CNTN3: variants seen among roughly 807,000 people sequenced by gnomAD.
CNTN3 encodes the protein contactin-3.
CNTN3 carries 60 observed loss-of-function variants against 119.1 expected under a neutral mutation model. The observed-to-expected ratio is 0.50, with a 90% CI of 0.41 to 0.62. CNTN3 has a LOEUF of 0.62. Among genes scored for constraint, CNTN3 ranks in the 20% least tolerant of loss-of-function variants. The probability of loss-of-function intolerance (pLI) is 0.00; values close to 1 mark genes in which losing one functional copy is unlikely to be tolerated. For synonymous variants in CNTN3, 450 were observed against 438.7 expected, an observed-to-expected ratio of 1.03 and a Z score of -0.32; for missense variants, 1,101 against 1,242.4, an observed-to-expected ratio of 0.89 and a Z score of 1.71.
At chr3:74,373,881 A>G (rs967412581) in intron 5 of CNTN3, among the ~76,000 whole-genome samples, 18 of 152,158 alleles carry the variant, frequency 1.2e-4, no homozygotes, top group African/African-American at 4.1e-4. Flanking sequence ...CAAAATGAAC[A>G]TGAAGTGGAT....
chr3:74,507,106 G>T (rs915858344), intron 2 of CNTN3, among the ~76,000 whole-genome samples: 57 of 152,116 alleles, frequency 3.7e-4, no homozygotes, highest in African/African-American at 1.4e-3. Flanking sequence ...TAAATTAGTT[G>T]TAATGGAGAA....
At chr3:74,369,545 G>A (rs1470013999) in intron 7 of CNTN3, among the ~76,000 whole-genome samples, 172 bp from the exon 8 acceptor site, 2 of 151,378 alleles carry the variant, frequency 1.3e-5, no homozygotes, top group African/African-American at 2.4e-5. Context: ...TCTTTAAGTT[G>A]ATATTTTAAT....
chr3:74,453,910 T>G (rs1422065815), intron 4 of CNTN3, among the ~76,000 whole-genome samples: 1 of 152,192 alleles, frequency 6.6e-6, no homozygotes, highest in African/African-American at 2.4e-5. Flanking sequence ...TTACATTTGC[T>G]GAGGAGAGCT....
intron 3 of CNTN3, among the ~76,000 whole-genome samples, chr3:74,491,192 T>C (rs1702956190): frequency 6.6e-6 from 1 of 152,184 alleles, no homozygotes; most frequent in African/African-American, 2.4e-5. Flanking sequence ...TCTAGTATTT[T>C]CATTCATGTA....
intron 8 of CNTN3, among the ~76,000 whole-genome samples, chr3:74,366,800 A>ATATATATATATATATATATATATATG: frequency 7.4e-6 from 1 of 134,378 alleles, no homozygotes; most frequent in African/African-American, 2.8e-5. Context: ...ATATATATAT[A>ATATATATATATATATATATATATATG]TATATATAAC....
intron 1 of CNTN3, among the ~76,000 whole-genome samples, chr3:74,540,338 T>C (rs1324536339): frequency 3.3e-5 from 5 of 152,154 alleles, no homozygotes; most frequent in African/African-American, 9.7e-5. Flanking sequence ...TAACGGTTAA[T>C]ATTTCTTTCC....
chr3:74,298,286 A>G (rs1205844027), intron 17 of CNTN3, 95 bp from the exon 18 acceptor site: 2 of 706,000 alleles, frequency 2.8e-6, no homozygotes, highest in Non-Finnish European at 4.6e-6. Context: ...TGTAAAAGTC[A>G]TCAAATAATC....
At chr3:74,498,769 G>A (rs1703108561) in intron 3 of CNTN3, among the ~76,000 whole-genome samples, 1 of 151,726 alleles carries the variant, frequency 6.6e-6, no homozygotes, top group Non-Finnish European at 1.5e-5. Flanking sequence ...AAAAGGTTTT[G>A]TCAAGAAAAC....
chr3:74,504,879 A>G (rs1005844071), intron 2 of CNTN3, among the ~76,000 whole-genome samples: 1 of 152,154 alleles, frequency 6.6e-6, no homozygotes, highest in African/African-American at 2.4e-5. Flanking sequence ...TTGCTATAAC[A>G]AAGTACCACA....
Position 74,562,280 on chromosome 3 carries a change from A to C in CNTN3, c.-80-41088T>G, listed in dbSNP as rs117352416. On this transcript the variant is annotated intron_variant, in intron 1 of 22. Coordinates refer to ENST00000263665, the MANE Select transcript of CNTN3 (RefSeq NM_020872.3). The stretch of plus-strand genomic sequence containing the variant: ...AAAGTTTTACAAAGTCAGAATTAGG[A>C]CCTGCTTTCATTGCACTGGTGTTAT... Among the ~76,000 whole-genome samples, 260 of 152,296 alleles carry C rather than the reference A, an allele frequency of 1.7e-3. 4 individuals carry two copies. In the East Asian group the frequency reaches 0.045, roughly 26 times the overall value.
intron 11 of CNTN3, among the ~76,000 whole-genome samples, chr3:74,355,721 CA>C (rs1327605767): frequency 6.6e-6 from 1 of 152,014 alleles, no homozygotes; most frequent in Non-Finnish European, 1.5e-5. Flanking sequence ...TCCCAAAGTG[CA>C]GGGATTACAA....
intron 2 of CNTN3, among the ~76,000 whole-genome samples, chr3:74,513,925 G>A (rs1703409973): frequency 6.6e-6 from 1 of 151,490 alleles, no homozygotes; most frequent in South Asian, 2.1e-4. Flanking sequence ...GAAACACATT[G>A]GGAAGTCTAA....
At chr3:74,446,258 C>T (rs1702046561) in intron 4 of CNTN3, among the ~76,000 whole-genome samples, 1 of 152,068 alleles carries the variant, frequency 6.6e-6, no homozygotes, top group Non-Finnish European at 1.5e-5. Flanking sequence ...ACAAAAATAG[C>T]ATATGTGAAA....
intron 11 of CNTN3, among the ~76,000 whole-genome samples, chr3:74,338,193 T>G (rs1559553565): frequency 1.3e-5 from 2 of 152,194 alleles, no homozygotes; most frequent in East Asian, 3.9e-4. Flanking sequence ...CTATGGTAAC[T>G]AAATGCCTCC....
At chr3:74,514,986 T>C (rs1703427460) in intron 2 of CNTN3, among the ~76,000 whole-genome samples, 1 of 152,048 alleles carries the variant, frequency 6.6e-6, no homozygotes, top group Non-Finnish European at 1.5e-5. Context: ...ATACAGAATG[T>C]AGAAATGGTC....
Position 74,364,596 on chromosome 3 carries a change from C to A in CNTN3, c.1084G>T (p.Glu362Ter). The A allele has an allele frequency of 6.3e-7, 1 of 1,599,172 alleles. No homozygotes were observed. The highest frequency in any genetic ancestry group is 8.6e-7 in the Non-Finnish European group (1 of 1,168,280). ...GCACCATTTTCTATCTGTGTTCTCT[C>A]CTAGATGATAATAAAAATATCTTTC... is the stretch of plus-strand genomic sequence containing the variant. ...LKNGAALVLE[E>*]RTQIENGALT... Residue 362 changes from glutamate (E) to a stop codon, truncating the protein, a stop_gained and splice_region_variant, in exon 10 of 23, where the codon GAG becomes TAG. Transcript: ENST00000263665. LOFTEE classifies it high-confidence loss of function.
intron 4 of CNTN3, among the ~76,000 whole-genome samples, chr3:74,431,825 G>T (rs551912400): frequency 4.6e-5 from 7 of 152,158 alleles, no homozygotes; most frequent in Non-Finnish European, 1.0e-4. Flanking sequence ...GAAGAGCTCT[G>T]CCTCAAAATG....
At chr3:74,371,088 A>G in intron 6 of CNTN3, 108 bp downstream of exon 6, 1 of 751,572 alleles carries the variant, frequency 1.3e-6, no homozygotes, top group Non-Finnish European at 2.2e-6. Context: ...GCCAAAAAAC[A>G]TGAAGTGACA....
chr3:74,274,068 T>C (rs1434580822), intron 20 of CNTN3, among the ~76,000 whole-genome samples: 1 of 152,052 alleles, frequency 6.6e-6, no homozygotes, highest in African/African-American at 2.4e-5. Context: ...TCTGCATGAC[T>C]CTGCAGAGGC....
Sources: gnomAD v4.1 joint callset for allele counts (sites outside exome capture counted in the v4.1 genomes callset) on GRCh38, gnomAD v4.1.1 for gene constraint, MANE v1.5 for transcripts, NCBI Gene and HGNC (gene_info 2026-07-23, HGNC 2026-07-21) for gene names.